ST8SIA4: variants seen among roughly 807,000 people sequenced by gnomAD.
The protein encoded by ST8SIA4 is CMP-N-acetylneuraminate-poly-alpha-2,8-sialyltransferase.
ST8SIA4 carries 15 observed loss-of-function variants against 33.9 expected under a neutral mutation model. The observed-to-expected ratio is 0.44, with a 90% CI of 0.30 to 0.68. The LOEUF is 0.68. ST8SIA4 is among the 30% of genes least tolerant of loss of function. ST8SIA4 has a pLI of 0.10. For missense variants in ST8SIA4, 321 were observed against 428.0 expected, an observed-to-expected ratio of 0.75 and a Z score of 2.21; for synonymous variants, 171 against 151.2, an observed-to-expected ratio of 1.13 and a Z score of -0.96.
chr5:100,881,254 G>T (rs2112467242), intron 3 of ST8SIA4, among the ~76,000 whole-genome samples: 1 of 152,262 alleles, frequency 6.6e-6, no homozygotes, highest in African/African-American at 2.4e-5. Context: ...AATTGTCAAA[G>T]AACTCTTGTA....
chr5:100,902,806 C>CT (rs750008179), intron 1 of ST8SIA4, 37 bp downstream of exon 1: 1 of 1,541,864 alleles, frequency 6.5e-7, no homozygotes, highest in Non-Finnish European at 9.0e-7. Context: ...TATGGCTTGA[C>CT]TTTTTGTCAT....
chr5:100,868,714 C>G (rs1201045729), intron 3 of ST8SIA4, among the ~76,000 whole-genome samples: 2 of 152,008 alleles, frequency 1.3e-5, no homozygotes, highest in South Asian at 2.1e-4. Flanking sequence ...TTTATTTATG[C>G]TGATGTCTCT....
At chr5:100,821,714 C>A (rs768160722) in intron 4 of ST8SIA4, among the ~76,000 whole-genome samples, 1 of 152,136 alleles carries the variant, frequency 6.6e-6, no homozygotes, top group African/African-American at 2.4e-5. Context: ...GTTCTCAAAT[C>A]CCAGCAAATG....
intron 4 of ST8SIA4, among the ~76,000 whole-genome samples, chr5:100,833,245 C>A (rs1157395742): frequency 6.6e-6 from 1 of 152,068 alleles, no homozygotes; most frequent in Non-Finnish European, 1.5e-5. Flanking sequence ...TAGAGGAAGA[C>A]AATAAATCTT....
At chr5:100,819,574 C>T (rs2112402167) in intron 4 of ST8SIA4, among the ~76,000 whole-genome samples, 1 of 152,268 alleles carries the variant, frequency 6.6e-6, no homozygotes. Flanking sequence ...TGAGATCTTG[C>T]CAGCCAGTAC....
chr5:100,881,476 T>G (rs1467410018), intron 3 of ST8SIA4, among the ~76,000 whole-genome samples: 2 of 152,226 alleles, frequency 1.3e-5, no homozygotes, highest in African/African-American at 4.8e-5. Context: ...TTTTTCACAC[T>G]ACTTAATATT....
At chr5:100,842,447 A>C (rs1751489184) in intron 4 of ST8SIA4, among the ~76,000 whole-genome samples, 1 of 151,898 alleles carries the variant, frequency 6.6e-6, no homozygotes, top group Non-Finnish European at 1.5e-5. Flanking sequence ...TAAAACAAAA[A>C]CAAAAACAAA....
intron 4 of ST8SIA4, among the ~76,000 whole-genome samples, chr5:100,812,495 A>G (rs1750835803): frequency 6.6e-6 from 1 of 152,126 alleles, no homozygotes; most frequent in Admixed American, 6.5e-5. Flanking sequence ...AATTGGGTAG[A>G]GATTAAGTAA....
Position 100,811,943 on chromosome 5 carries a change from T to G in ST8SIA4, c.984A>C (p.Ala328=). ...DDLKYRYFSN[A]SPHRMPLEFK... ...ATTCTAATGGCATTCTGTGAGGGCT[T>G]GCATTGGAAAAGTACCTATATTTTA... The change falls in exon 5 of 5, where the codon GCA becomes GCC. Residue 328 remains alanine, a synonymous_variant. Coordinates refer to ENST00000231461, the MANE Select transcript of ST8SIA4 (RefSeq NM_005668.6). The G allele has an allele frequency of 6.2e-7, 1 of 1,614,146 alleles. No individual in the cohort carries two copies.
intron 3 of ST8SIA4, among the ~76,000 whole-genome samples, chr5:100,856,718 A>G (rs962428303): frequency 6.6e-6 from 1 of 152,336 alleles, no homozygotes; most frequent in African/African-American, 2.4e-5. Flanking sequence ...TTATGATGGT[A>G]AATTCACAAG....
intron 3 of ST8SIA4, among the ~76,000 whole-genome samples, chr5:100,862,915 C>G (rs1259779569): frequency 6.6e-6 from 1 of 152,172 alleles, no homozygotes; most frequent in Non-Finnish European, 1.5e-5. Flanking sequence ...TTATGTACCA[C>G]TTAATCCCTA....
chr5:100,848,583 G>T (rs1303712202), intron 4 of ST8SIA4, among the ~76,000 whole-genome samples: 1 of 149,890 alleles, frequency 6.7e-6, no homozygotes, highest in Admixed American at 6.7e-5. Flanking sequence ...TATGTTTTGT[G>T]TGTGTTTACA....
At chr5:100,868,760 C>A (rs753320504) in intron 3 of ST8SIA4, among the ~76,000 whole-genome samples, 1 of 151,984 alleles carries the variant, frequency 6.6e-6, no homozygotes, top group Non-Finnish European at 1.5e-5. Flanking sequence ...ACACCCTAGC[C>A]CTAAACCTGA....
At chr5:100,886,042 A>G in intron 3 of ST8SIA4, 1 of 1,100,942 alleles carries the variant, frequency 9.1e-7, no homozygotes, top group Non-Finnish European at 1.1e-6. Context: ...AGATACTAAG[A>G]AAAAAGTTTG....
At chr5:100,869,046 T>C (rs1167432120) in intron 3 of ST8SIA4, among the ~76,000 whole-genome samples, 1 of 152,234 alleles carries the variant, frequency 6.6e-6, no homozygotes, top group East Asian at 1.9e-4. Context: ...ATAAAGCAAT[T>C]TGGACACCGT....
intron 3 of ST8SIA4, among the ~76,000 whole-genome samples, chr5:100,881,540 A>T (rs1373357039): frequency 6.6e-6 from 1 of 152,190 alleles, no homozygotes; most frequent in Non-Finnish European, 1.5e-5. Context: ...GTAAATATAT[A>T]TATATTATAG....
At chr5:100,875,048 T>C (rs1018269117) in intron 3 of ST8SIA4, among the ~76,000 whole-genome samples, 1 of 152,186 alleles carries the variant, frequency 6.6e-6, no homozygotes, top group Non-Finnish European at 1.5e-5. Flanking sequence ...CATTATTCCA[T>C]TTTATGTGGC....
At chr5:100,839,087 CA>C (rs1751421271) in intron 4 of ST8SIA4, among the ~76,000 whole-genome samples, 2 of 151,940 alleles carry the variant, frequency 1.3e-5, no homozygotes, top group South Asian at 4.1e-4. Flanking sequence ...CTTGGCCTCC[CA>C]AAAAGTTGGA....
intron 4 of ST8SIA4, among the ~76,000 whole-genome samples, chr5:100,841,998 T>G (rs1291555114): frequency 1.3e-5 from 2 of 151,818 alleles, no homozygotes; most frequent in Non-Finnish European, 2.9e-5. Context: ...TAGCGCAGTA[T>G]AGCAATCTAT....
Sources: allele counts gnomAD v4.1 joint callset (sites outside exome capture counted in the v4.1 genomes callset), GRCh38; gene constraint gnomAD v4.1.1; transcripts MANE v1.5; gene names NCBI Gene and HGNC (gene_info 2026-07-23, HGNC 2026-07-21).